Variants in THSD7A observed in about 807,000 individuals in gnomAD.
THSD7A encodes thrombospondin type 1 domain containing 7A.
A neutral mutation model predicts 231.3 loss-of-function variants in THSD7A; 96 were observed. That is an observed-to-expected ratio of 0.41 (90% CI 0.35 to 0.49). THSD7A has a LOEUF of 0.49. Among genes scored for constraint, THSD7A ranks in the 20% least tolerant of loss-of-function variants. THSD7A has a pLI of 0.05. For missense variants in THSD7A, 2,290 were observed against 2,070.2 expected, an observed-to-expected ratio of 1.11 and a Z score of -2.06; for synonymous variants, 940 against 743.3, an observed-to-expected ratio of 1.26 and a Z score of -4.30.
chr7:11,717,851 G>C (rs1421316276), intron 1 of THSD7A, among the ~76,000 whole-genome samples: 1 of 151,526 alleles, frequency 6.6e-6, no homozygotes, highest in East Asian at 2.0e-4. Flanking sequence ...AATGATCCAA[G>C]ATATATCTCA....
chr7:11,805,037 C>A (rs1784364060), intron 1 of THSD7A, among the ~76,000 whole-genome samples: 1 of 152,074 alleles, frequency 6.6e-6, no homozygotes, highest in Admixed American at 6.6e-5. Flanking sequence ...TGGAAGCTTA[C>A]AATTAATCTA....
At chr7:11,679,509 T>C (rs1466334328) in intron 1 of THSD7A, among the ~76,000 whole-genome samples, 1 of 152,160 alleles carries the variant, frequency 6.6e-6, no homozygotes, top group Non-Finnish European at 1.5e-5. Context: ...AGTCTCAGGA[T>C]ACAAAATCAA....
At chr7:11,719,328 T>C (rs771251913) in intron 1 of THSD7A, among the ~76,000 whole-genome samples, 2 of 151,678 alleles carry the variant, frequency 1.3e-5, no homozygotes, top group Non-Finnish European at 3.0e-5. Flanking sequence ...TGAGACTCAG[T>C]ATCTGGAGAC....
At chr7:11,552,375 A>G (rs1008519752) in intron 4 of THSD7A, among the ~76,000 whole-genome samples, 3 of 152,120 alleles carry the variant, frequency 2.0e-5, no homozygotes, top group Non-Finnish European at 4.4e-5. Flanking sequence ...AAAAGGAAAC[A>G]GGTTAAAACA....
intron 13 of THSD7A, among the ~76,000 whole-genome samples, chr7:11,435,450 T>TTATC (rs1332266728): frequency 6.6e-6 from 1 of 152,090 alleles, no homozygotes; most frequent in Non-Finnish European, 1.5e-5. Context: ...GAGCTACATG[T>TTATC]TATCTGACCA....
chr7:11,773,423 G>GGGA (rs756384753), intron 1 of THSD7A, among the ~76,000 whole-genome samples: 6 of 152,052 alleles, frequency 3.9e-5, no homozygotes, highest in Non-Finnish European at 7.4e-5. Context: ...CCAGCTACTC[G>GGGA]GGAGGCTGAG....
chr7:11,569,449 G>C, intron 4 of THSD7A, among the ~76,000 whole-genome samples: 1 of 152,090 alleles, frequency 6.6e-6, no homozygotes. Context: ...CTACTCATCA[G>C]GGTAACGCAA....
At chr7:11,612,456 G>T (rs1327889308) in intron 2 of THSD7A, among the ~76,000 whole-genome samples, 1 of 152,204 alleles carries the variant, frequency 6.6e-6, no homozygotes, top group Non-Finnish European at 1.5e-5. Context: ...TATTCTTGAA[G>T]TAGGTATGAC....
intron 1 of THSD7A, among the ~76,000 whole-genome samples, chr7:11,734,264 A>AT (rs1489242187): frequency 3.3e-5 from 5 of 151,970 alleles, no homozygotes; most frequent in African/African-American, 4.8e-5. Flanking sequence ...CCATGCACAC[A>AT]CCACAGGCAG....
Position 11,446,784 on chromosome 7 carries a change from T to C in THSD7A, c.2800+446A>G, listed in dbSNP as rs1784985227. On this transcript the variant is annotated intron_variant, in intron 12 of 27. Coordinates refer to ENST00000423059, the MANE Select transcript of THSD7A (RefSeq NM_015204.3). The surrounding 1 kb of genome is among the most constrained non-coding windows in gnomAD (Gnocchi z 4.0). ...ATGGATCCTAATCCTGCTCATTATA[T>C]TCATGCTGTTAGTCATTACTATGGT... Among the ~76,000 whole-genome samples the C allele has an allele frequency of 6.6e-6, 1 of 152,150 alleles. No individual in the cohort carries two copies. Among genetic ancestry groups the C allele is most frequent in the South Asian group, 2.1e-4 (1 of 4,830 alleles).
At chr7:11,711,173 C>T (rs1780949553) in intron 1 of THSD7A, among the ~76,000 whole-genome samples, 1 of 150,894 alleles carries the variant, frequency 6.6e-6, no homozygotes, top group South Asian at 2.1e-4. Context: ...GTGCTTTATA[C>T]ATTTAGTTAA....
At chr7:11,623,666 C>G (rs1376207343) in intron 2 of THSD7A, among the ~76,000 whole-genome samples, 1 of 152,136 alleles carries the variant, frequency 6.6e-6, no homozygotes, top group Non-Finnish European at 1.5e-5. Flanking sequence ...CTTTCTCACT[C>G]ATCTCTCCCT....
chr7:11,424,974 G>A lies in THSD7A; in HGVS notation c.3250-145C>T. On this transcript the variant is annotated intron_variant, in intron 15 of 27. Coordinates refer to ENST00000423059, the MANE Select transcript of THSD7A (RefSeq NM_015204.3). ...CTTATTATTCTAACATTGCAATAGA[G>A]AGAACTCAAGAGTTCTAGCAGTAGA... The A allele has an allele frequency of 3.1e-6, 3 of 976,072 alleles. No individual in the cohort carries two copies. In the South Asian group the frequency reaches 5.1e-5, roughly 16 times the overall value. 60.5% of individuals were successfully genotyped at this position (976,072 alleles called of 1,614,324 possible). A position where few individuals can be genotyped will look rare whatever the true frequency, so the allele number is the denominator to read the frequency against.
rs1238820480 is a variant in THSD7A, at chr7:11,406,602, G to T, written c.4063-128C>A. 2.0e-5 allele frequency: 21 copies of T among 1,072,966 alleles called. No homozygotes were observed. Among genetic ancestry groups the T allele is most frequent in the Admixed American group, 3.0e-5 (1 of 33,188 alleles). The allele number at this position is 1,072,966 out of a possible 1,614,324, so 66.5% of individuals were successfully genotyped here. A position where few individuals can be genotyped will look rare whatever the true frequency, so the allele number is the denominator to read the frequency against. ...TTAGAGAAGGATTTGAAACCCTAGG[G>T]AAGAAGCCCTATAGGGCACTAGCAA... On this transcript the variant is annotated intron_variant, in intron 21 of 27. Transcript: ENST00000423059. This position sits in a 1 kb window ranked among gnomAD's most constrained non-coding sequence, Gnocchi z 4.7.
rs768292834 is a variant in THSD7A, at chr7:11,634,326, C to G, written c.1022+1804G>C. On this transcript the variant is annotated intron_variant, in intron 2 of 27. Transcript: ENST00000423059. This position sits in a 1 kb window ranked among gnomAD's most constrained non-coding sequence, Gnocchi z 4.1. ...AACAACTGGATGAGAATATTAGGCT[C>G]TATGCAATGGTAGCTACTAACCTAA... 6.6e-6 allele frequency among the ~76,000 whole-genome samples: 1 copy of G among 152,068 alleles called. No individual in the cohort carries two copies. Among genetic ancestry groups the G allele is most frequent in the Non-Finnish European group, 1.5e-5 (1 of 68,006 alleles).
chr7:11,378,263 T>C (rs1176499255), intron 26 of THSD7A: 1 of 152,150 alleles, frequency 6.6e-6, no homozygotes, highest in Non-Finnish European at 1.5e-5. Flanking sequence ...CATAGACTAG[T>C]AGTTCTTCCA....
intron 1 of THSD7A, among the ~76,000 whole-genome samples, chr7:11,808,833 A>C (rs1479788900): frequency 6.6e-6 from 1 of 152,162 alleles, no homozygotes; most frequent in Admixed American, 6.6e-5. Flanking sequence ...TGGGCAAAAA[A>C]TATATACCTA....
intron 1 of THSD7A, among the ~76,000 whole-genome samples, chr7:11,655,150 A>G (rs1177189902): frequency 6.6e-6 from 1 of 151,894 alleles, no homozygotes; most frequent in Non-Finnish European, 1.5e-5. Flanking sequence ...AATAGCTCAC[A>G]GTGGGATTGT....
chr7:11,445,950 A>G (rs995221529), intron 13 of THSD7A, 111 bp downstream of exon 13: 3 of 1,322,196 alleles, frequency 2.3e-6, no homozygotes, highest in Admixed American at 1.8e-5. Flanking sequence ...TTCAGAGTTT[A>G]ATTTAGAATA....
Sources: gnomAD v4.1 joint callset for allele counts (sites outside exome capture counted in the v4.1 genomes callset) on GRCh38, gnomAD v4.1.1 for gene constraint, Gnocchi (gnomAD v3.1) non-coding constraint, MANE v1.5 for transcripts, NCBI Gene and HGNC (gene_info 2026-07-23, HGNC 2026-07-21) for gene names.